Variants in ATXN7 observed in about 807,000 individuals in gnomAD.
ATXN7 encodes ataxin-7.
A neutral mutation model predicts 70.5 loss-of-function variants in ATXN7; 12 were observed. The observed-to-expected ratio is 0.17, with a 90% CI of 0.11 to 0.28. ATXN7 has a LOEUF of 0.28. Among genes scored for constraint, ATXN7 ranks in the 10% least tolerant of loss-of-function variants. The pLI is 1.00. For missense variants in ATXN7, 1,256 were observed against 1,131.7 expected (o/e 1.11, Z -1.58); for synonymous variants, 498 against 448.7 (o/e 1.11, Z -1.39).
At chr3:63,962,908 C>CTATTTTTTTTTTTTTTT in intron 5 of ATXN7, among the ~76,000 whole-genome samples, 1 of 136,342 alleles carries the variant, frequency 7.3e-6, no homozygotes, top group Non-Finnish European at 1.6e-5. Context: ...TTTTGTATTT[C>CTATTTTTTTTTTTTTTT]TTTTTTTTTT....
At chr3:63,962,843 A>C (rs926890099) in intron 5 of ATXN7, among the ~76,000 whole-genome samples, 1 of 151,994 alleles carries the variant, frequency 6.6e-6, no homozygotes, top group Admixed American at 6.6e-5. Flanking sequence ...GCTTAGCCAA[A>C]CAAATTAAGA....
intron 4 of ATXN7, among the ~76,000 whole-genome samples, chr3:63,942,442 T>G (rs1023935797): frequency 2.6e-5 from 4 of 152,210 alleles, no homozygotes; most frequent in African/African-American, 9.7e-5. Context: ...ACTGTTTTAT[T>G]TTTGTTATAC....
chr3:63,929,201 T>C (rs1018571158), intron 4 of ATXN7, among the ~76,000 whole-genome samples: 7 of 152,028 alleles, frequency 4.6e-5, no homozygotes, highest in Non-Finnish European at 1.0e-4. Context: ...TATTACAACA[T>C]TTTAGAATAA....
intron 4 of ATXN7, among the ~76,000 whole-genome samples, chr3:63,936,487 G>C (rs142402345): frequency 3.3e-5 from 5 of 152,306 alleles, no homozygotes; most frequent in Non-Finnish European, 7.4e-5. Context: ...AAAATCATTA[G>C]ATATACAGTA....
intron 9 of ATXN7, 41 bp from the exon 10 acceptor site, chr3:63,990,135 G>C (rs1168086910): frequency 6.3e-7 from 1 of 1,593,550 alleles, no homozygotes; most frequent in East Asian, 2.2e-5. Flanking sequence ...CTGATTCCCA[G>C]GTGTGTGATC....
At chr3:63,964,128 T>C (rs969570785) in intron 5 of ATXN7, among the ~76,000 whole-genome samples, 1 of 151,516 alleles carries the variant, frequency 6.6e-6, no homozygotes, top group Non-Finnish European at 1.5e-5. Flanking sequence ...AATTTTAATT[T>C]GAAATAAATT....
In ATXN7 at chr3:64,000,879, G is replaced by T. The variant is rs984349017; in HGVS notation, c.*1412G>T. 1.4e-5 allele frequency: 2 copies of T among 144,050 alleles called. No individual in the cohort carries two copies. The highest frequency in any genetic ancestry group is 2.1e-4 in the South Asian group (1 of 4,664). The allele number at this position is 144,050 out of a possible 1,614,324, so 8.9% of individuals were successfully genotyped here. On this transcript the variant is annotated 3_prime_UTR_variant, in exon 13 of 13. Coordinates refer to ENST00000674280, the MANE Select transcript of ATXN7 (RefSeq NM_001377405.1). ...AGAAGGTGTCATTGAATTCCGGGAC[G>T]AGCCGGAGCCTTTAAATGGGTGCTT...
intron 5 of ATXN7, among the ~76,000 whole-genome samples, chr3:63,954,725 T>C (rs1413449184): frequency 1.3e-5 from 2 of 150,164 alleles, no homozygotes; most frequent in Admixed American, 6.6e-5. Flanking sequence ...TTTTTTTTTT[T>C]TGAGACGGAG....
At position 63,980,593 on chromosome 3, in the gene ATXN7, A is replaced by G. The variant is rs530701974; in HGVS notation, c.752+426A>G. On this transcript the variant is annotated intron_variant, in intron 6 of 12. Coordinates refer to ENST00000674280, the MANE Select transcript of ATXN7 (RefSeq NM_001377405.1). Reference sequence around the variant, plus strand: ...CCCATTTCTGTCACTTCTTAGCTGTAGGGGTTTGGGCAAGGCACTGTTTCT... The same window carrying G: ...CCCATTTCTGTCACTTCTTAGCTGTGGGGGTTTGGGCAAGGCACTGTTTCT... The G allele has an allele frequency of 4.8e-3, 894 of 187,090 alleles. 8 individuals carry two copies. Among genetic ancestry groups the G allele is most frequent in the Non-Finnish European group, 5.9e-3 (516 of 87,354 alleles). 11.6% of individuals were successfully genotyped at this position (187,090 alleles called of 1,614,324 possible). A position where few individuals can be genotyped will look rare whatever the true frequency, so the allele number is the denominator to read the frequency against.
intron 1 of ATXN7, among the ~76,000 whole-genome samples, chr3:63,897,656 C>T (rs556129604): frequency 6.6e-6 from 1 of 152,260 alleles, no homozygotes; most frequent in East Asian, 1.9e-4. Context: ...TGAGCTCAGC[C>T]TGTCTTGTGC....
chr3:63,882,002 C>G (rs890283978), intron 1 of ATXN7, among the ~76,000 whole-genome samples: 1 of 152,180 alleles, frequency 6.6e-6, no homozygotes, highest in East Asian at 1.9e-4. Context: ...ATCCAAAGCC[C>G]TTCTCTCAGT....
intron 2 of ATXN7, among the ~76,000 whole-genome samples, chr3:63,910,994 AAAG>A (rs1703994337): frequency 1.3e-5 from 2 of 152,156 alleles, no homozygotes; most frequent in South Asian, 4.1e-4. Context: ...TTGGACCAAC[AAAG>A]AAGTTGGCTA....
chr3:63,982,623 A>AGTGTGTGTGTGTGTGT (rs71099784), intron 7 of ATXN7, among the ~76,000 whole-genome samples, 178 bp downstream of exon 7: 6 of 143,462 alleles, frequency 4.2e-5, no homozygotes, highest in African/African-American at 1.3e-4. Flanking sequence ...AAAGAGCATG[A>AGTGTGTGTGTGTGTGT]GTGTGTGTGT....
chr3:63,903,343 C>T (rs536611573), intron 2 of ATXN7, among the ~76,000 whole-genome samples: 43 of 145,994 alleles, frequency 2.9e-4, no homozygotes, highest in South Asian at 6.6e-4. Context: ...GCCAAGATTG[C>T]GCCACTGCAC....
intron 11 of ATXN7, among the ~76,000 whole-genome samples, chr3:63,993,211 G>A (rs1297207399): frequency 6.6e-6 from 1 of 151,044 alleles, no homozygotes; most frequent in African/African-American, 2.4e-5. Flanking sequence ...CTGTTGATTT[G>A]GGACCAGTAT....
At chr3:63,940,285 TCACACACACACA>T (rs34660611) in intron 4 of ATXN7, among the ~76,000 whole-genome samples, 103 of 141,520 alleles carry the variant, frequency 7.3e-4, no homozygotes, top group African/African-American at 1.7e-3. Context: ...CCATGCCCCA[TCACACACACACA>T]CACACACACA....
chr3:63,989,292 A>G (rs954239462), intron 9 of ATXN7, among the ~76,000 whole-genome samples: 1 of 152,204 alleles, frequency 6.6e-6, no homozygotes, highest in South Asian at 2.1e-4. Flanking sequence ...TTTTGCATCT[A>G]GAAAAATGTA....
chr3:63,988,229 A>G lies in ATXN7; in HGVS notation c.1266A>G (p.Ser422=). The part of the protein sequence containing the change: ...RDPHPAPPRT[S]QEPHQNPHGV... ...CGCATCCCGCCCCTCCTAGAACGTCACAGGAGCCGCACCAAAACCCTCACG... is the reference window on the plus strand; with the variant it reads ...CGCATCCCGCCCCTCCTAGAACGTCGCAGGAGCCGCACCAAAACCCTCACG... The change falls in exon 9 of 13, where the codon TCA becomes TCG. Residue 422 remains serine, a synonymous_variant. Transcript: ENST00000674280. 1 of 1,614,084 alleles carries G rather than the reference A, an allele frequency of 6.2e-7. No individual in the cohort carries two copies. The highest frequency in any genetic ancestry group is 1.1e-5 in the South Asian group (1 of 91,070).
At chr3:63,904,261 A>T (rs145451949) in intron 2 of ATXN7, 1 of 152,002 alleles carries the variant, frequency 6.6e-6, no homozygotes, top group African/African-American at 2.4e-5. Context: ...AGCATGTATC[A>T]GTGCTTCATT....
Sources: allele counts gnomAD v4.1 joint callset (sites outside exome capture counted in the v4.1 genomes callset), GRCh38; gene constraint gnomAD v4.1.1; transcripts MANE v1.5; gene names NCBI Gene and HGNC (gene_info 2026-07-23, HGNC 2026-07-21).